The following PHACTR1 variants were observed in gnomAD, a reference collection of about 807,000 sequenced individuals.
PHACTR1 encodes the protein RPEL repeat containing 1.
PHACTR1 carries 16 observed loss-of-function variants against 69.2 expected under a neutral mutation model. That is an observed-to-expected ratio of 0.23 (90% CI 0.16 to 0.35). The LOEUF is 0.35. Among genes scored for constraint, PHACTR1 ranks in the 10% least tolerant of loss-of-function variants. PHACTR1 has a pLI of 1.00. For synonymous variants in PHACTR1, 312 were observed against 284.5 expected (o/e 1.10, Z -0.97); for missense variants, 510 against 734.7 (o/e 0.69, Z 3.54).
At chr6:12,886,616 C>T (rs559044934) in intron 4 of PHACTR1, among the ~76,000 whole-genome samples, 2 of 152,290 alleles carry the variant, frequency 1.3e-5, no homozygotes, top group East Asian at 3.9e-4. Context: ...CTGCTATTCC[C>T]ACATCAGTGC....
In PHACTR1 at chr6:13,283,609, G is replaced by A. The variant is rs749133722; in HGVS notation, c.1650+47G>A. 6.2e-7 allele frequency: 1 copy of A among 1,612,984 alleles called. No homozygotes were observed. Among genetic ancestry groups the A allele is most frequent in the South Asian group, 1.1e-5 (1 of 91,064 alleles). On this transcript the variant is annotated intron_variant, in intron 13 of 14. Transcript: ENST00000332995. This position sits in a 1 kb window ranked among gnomAD's most constrained non-coding sequence, Gnocchi z 4.7. ...AGAGTGGGAGGCAGGACCGTCTGCTGGGTCTCGCTGGGCTCACCGCTGGGG... is the reference window on the plus strand; with the variant it reads ...AGAGTGGGAGGCAGGACCGTCTGCTAGGTCTCGCTGGGCTCACCGCTGGGG...
chr6:12,881,106 C>T (rs1459820163), intron 4 of PHACTR1, among the ~76,000 whole-genome samples: 1 of 152,156 alleles, frequency 6.6e-6, no homozygotes, highest in Non-Finnish European at 1.5e-5. Flanking sequence ...AAGTTTGCAA[C>T]AAATGGTAGT....
intron 6 of PHACTR1, among the ~76,000 whole-genome samples, chr6:13,182,021 G>A (rs1015342155): frequency 8.0e-4 from 121 of 152,168 alleles, no homozygotes; most frequent in African/African-American, 2.6e-3. Context: ...ATCACCTGAG[G>A]TTGGGAGTTT....
At chr6:13,048,070 C>T (rs1258359980) in intron 4 of PHACTR1, among the ~76,000 whole-genome samples, 1 of 152,174 alleles carries the variant, frequency 6.6e-6, no homozygotes, top group Non-Finnish European at 1.5e-5. Context: ...ATCTCCCAAT[C>T]ATTTCCACCC....
At chr6:13,168,155 A>G (rs1760086545) in intron 6 of PHACTR1, among the ~76,000 whole-genome samples, 1 of 152,232 alleles carries the variant, frequency 6.6e-6, no homozygotes, top group East Asian at 1.9e-4. Flanking sequence ...TAACCATGTG[A>G]AAATGAAAAG....
intron 4 of PHACTR1, among the ~76,000 whole-genome samples, chr6:12,983,730 C>T (rs1445325928): frequency 2.6e-5 from 4 of 152,088 alleles, no homozygotes; most frequent in African/African-American, 7.2e-5. Context: ...TGATGTGTGA[C>T]GTTCCCCTTC....
chr6:12,919,162 A>T (rs1035567544), intron 4 of PHACTR1, among the ~76,000 whole-genome samples: 3 of 151,492 alleles, frequency 2.0e-5, no homozygotes, highest in African/African-American at 7.3e-5. Context: ...TTATTTTTTG[A>T]GATGGAGTCT....
intron 3 of PHACTR1, among the ~76,000 whole-genome samples, chr6:12,724,880 A>C (rs977855721): frequency 3.9e-5 from 6 of 152,138 alleles, no homozygotes; most frequent in African/African-American, 1.2e-4. Flanking sequence ...AAATACATTA[A>C]AAGGCAGCCA....
intron 4 of PHACTR1, among the ~76,000 whole-genome samples, chr6:12,911,944 A>G (rs1786453589): frequency 6.6e-6 from 1 of 152,222 alleles, no homozygotes; most frequent in Admixed American, 6.5e-5. Flanking sequence ...TTTAGGACAG[A>G]GAGACATGTG....
At chr6:13,280,634 G>A (rs445591) in intron 12 of PHACTR1, 218,582 of 279,004 alleles carry the variant, frequency 0.78, 87,001 homozygotes, top group Middle Eastern at 0.86. Flanking sequence ...AAAATAAAGC[G>A]TAGTAACTGA....
chr6:12,757,930 G>A (rs577216180), intron 4 of PHACTR1, among the ~76,000 whole-genome samples: 13 of 152,162 alleles, frequency 8.5e-5, no homozygotes, highest in East Asian at 5.8e-4. Context: ...TGGCCAACAC[G>A]GTGAAACCCC....
intron 6 of PHACTR1, among the ~76,000 whole-genome samples, chr6:13,180,113 T>C (rs1329711566): frequency 1.3e-5 from 2 of 152,186 alleles, no homozygotes; most frequent in African/African-American, 2.4e-5. Flanking sequence ...ATGCTTATAA[T>C]AGTATGGGGG....
chr6:12,729,654 G>A (rs1250773323), intron 3 of PHACTR1, among the ~76,000 whole-genome samples: 1 of 152,180 alleles, frequency 6.6e-6, no homozygotes, highest in Non-Finnish European at 1.5e-5. Context: ...ATCCACTAAA[G>A]CAGCGAATAC....
intron 4 of PHACTR1, among the ~76,000 whole-genome samples, chr6:13,046,004 C>A (rs1804969483): frequency 2.6e-5 from 4 of 152,188 alleles, no homozygotes; most frequent in Admixed American, 2.0e-4. Context: ...TAGGCATGCA[C>A]ACACTATTGA....
At chr6:13,049,243 A>G (rs1045983237) in intron 4 of PHACTR1, among the ~76,000 whole-genome samples, 4 of 145,216 alleles carry the variant, frequency 2.8e-5, no homozygotes, top group South Asian at 4.2e-4. Context: ...TTCGGTTCTC[A>G]TGGCACTTTT....
In PHACTR1 at chr6:12,773,137, T is replaced by C. The variant is rs540424656; in HGVS notation, c.250+23347T>C. ...CTTTTGTAGAAGTGGCAGCCAGTCA[T>C]TGGTGTTCAATGATTTCTGTTCACA... On this transcript the variant is annotated intron_variant, in intron 4 of 14. Coordinates refer to ENST00000332995, the MANE Select transcript of PHACTR1 (RefSeq NM_030948.6). Among the ~76,000 whole-genome samples, 65 of 152,338 alleles carry C rather than the reference T, an allele frequency of 4.3e-4. No homozygotes were observed. The South Asian group carries it at 0.013, about 31-fold the overall frequency.
At chr6:12,873,237 G>A (rs1334864417) in intron 4 of PHACTR1, among the ~76,000 whole-genome samples, 2 of 151,768 alleles carry the variant, frequency 1.3e-5, no homozygotes, top group South Asian at 2.1e-4. Flanking sequence ...GGCTGGTCTC[G>A]AACTCCTGGG....
chr6:12,720,477 T>A (rs1581403822), intron 3 of PHACTR1, among the ~76,000 whole-genome samples: 1 of 151,938 alleles, frequency 6.6e-6, no homozygotes, highest in Non-Finnish European at 1.5e-5. Flanking sequence ...AGCCTTCTGG[T>A]TTTCAGCAGA....
At chr6:12,893,931 C>G (rs996600335) in intron 4 of PHACTR1, among the ~76,000 whole-genome samples, 2 of 152,146 alleles carry the variant, frequency 1.3e-5, no homozygotes, top group Non-Finnish European at 2.9e-5. Flanking sequence ...TGAGCAGGGG[C>G]AAAGGAGACA....
Sources: allele counts gnomAD v4.1 joint callset (sites outside exome capture counted in the v4.1 genomes callset), GRCh38; gene constraint gnomAD v4.1.1; non-coding constraint Gnocchi (gnomAD v3.1); transcripts MANE v1.5; gene names NCBI Gene and HGNC (gene_info 2026-07-23, HGNC 2026-07-21).